Variants in GLB1 observed in about 807,000 individuals in gnomAD.
GLB1 encodes galactosidase beta 1.
A neutral mutation model predicts 74.0 loss-of-function variants in GLB1; 56 were observed. The ratio of observed to expected loss-of-function variants is 0.76; its 90% CI spans 0.61 to 0.94. The LOEUF is 0.94. Among genes scored for constraint, GLB1 ranks in the 40% least tolerant of loss-of-function variants. The probability of loss-of-function intolerance (pLI) is 0.00; values close to 1 mark genes in which losing one functional copy is unlikely to be tolerated. For missense variants in GLB1, 787 were observed against 845.5 expected (o/e 0.93, Z 0.86); for synonymous variants, 323 against 323.6 (o/e 1.00, Z 0.02).
chr3:33,061,255 A>G (rs536770067), intron 5 of GLB1, among the ~76,000 whole-genome samples: 11 of 152,106 alleles, frequency 7.2e-5, no homozygotes, highest in South Asian at 2.1e-4. Context: ...TACTAAAAAT[A>G]CAAAAAAAAT....
At chr3:33,006,358 G>T (rs917153946) in intron 15 of GLB1, among the ~76,000 whole-genome samples, 4 of 152,174 alleles carry the variant, frequency 2.6e-5, no homozygotes, top group Non-Finnish European at 5.9e-5. Flanking sequence ...CACTCCTTAT[G>T]AGAATCTAAC....
intron 5 of GLB1, among the ~76,000 whole-genome samples, chr3:33,061,169 G>C (rs1283382010): frequency 1.3e-5 from 2 of 152,164 alleles, no homozygotes; most frequent in Non-Finnish European, 2.9e-5. Context: ...CTAGTACTTT[G>C]GGAGGCTGAG....
At chr3:33,083,113 A>C (rs534216820) in intron 1 of GLB1, among the ~76,000 whole-genome samples, 1 of 152,298 alleles carries the variant, frequency 6.6e-6, no homozygotes, top group Non-Finnish European at 1.5e-5. Flanking sequence ...AAAAGTGGGA[A>C]TAGGCCAGGT....
intron 3 of GLB1, among the ~76,000 whole-genome samples, chr3:33,068,556 A>T (rs1251501966): frequency 6.6e-6 from 1 of 152,080 alleles, no homozygotes; most frequent in Non-Finnish European, 1.5e-5. Context: ...ATACCCTGTG[A>T]CGTAGATAGA....
At chr3:33,045,306 A>C in intron 10 of GLB1, 1 of 946,258 alleles carries the variant, frequency 1.1e-6, no homozygotes, top group Non-Finnish European at 1.3e-6. Flanking sequence ...AAAGAAGAAA[A>C]CAAACATTTA....
chr3:32,995,941 A>AT (rs1341657627), downstream of GLB1, among the ~76,000 whole-genome samples: 24 of 152,294 alleles, frequency 1.6e-4, no homozygotes, highest in African/African-American at 5.5e-4. Flanking sequence ...GCATCCAGAT[A>AT]TAAGTATATG....
In GLB1 at chr3:33,096,994, G is replaced by A. The variant is rs1400175262; in HGVS notation, c.75+17C>T. 1 of 1,610,322 alleles carries A rather than the reference G, an allele frequency of 6.2e-7. No individual in the cohort carries two copies. The highest frequency in any genetic ancestry group is 8.5e-7 in the Non-Finnish European group (1 of 1,178,294). ...CCCCTAGCAATGCCTCCCCGTACCC[G>A]GGTCCCGCAGACTTACGCGCAAGCC... is the stretch of plus-strand genomic sequence containing the variant. On this transcript the variant is annotated intron_variant, in intron 1 of 15. Coordinates refer to ENST00000307363, the MANE Select transcript of GLB1 (RefSeq NM_000404.4).
chr3:33,091,159 G>C, intron 1 of GLB1: 1 of 985,446 alleles, frequency 1.0e-6, no homozygotes, highest in Non-Finnish European at 1.2e-6. Context: ...CACAAGAAAA[G>C]TGAGTTTGGA....
chr3:33,058,329 A>G, intron 5 of GLB1, 60 bp from the exon 6 acceptor site: 7 of 1,604,876 alleles, frequency 4.4e-6, no homozygotes, highest in Non-Finnish European at 6.0e-6. Context: ...ACCCTAATGC[A>G]AGCTTTTGTG....
chr3:33,061,034 G>C (rs1699421958), intron 5 of GLB1, among the ~76,000 whole-genome samples: 1 of 152,166 alleles, frequency 6.6e-6, no homozygotes, highest in Non-Finnish European at 1.5e-5. Context: ...CAAATGAAAA[G>C]GCTTGAAAAA....
At chr3:32,990,127 G>C in the GLB1 span, among the ~76,000 whole-genome samples, 4 of 152,270 alleles carry the variant, frequency 2.6e-5, no homozygotes, top group South Asian at 2.1e-4. Flanking sequence ...TCAGATTGAG[G>C]TACATGCCAC....
intron 13 of GLB1, among the ~76,000 whole-genome samples, chr3:33,017,748 C>T (rs1158055808): frequency 6.6e-6 from 1 of 152,184 alleles, no homozygotes; most frequent in Non-Finnish European, 1.5e-5. Flanking sequence ...GTTCAACAAA[C>T]TTTGTACAGT....
chr3:33,034,723 TGG>T (rs1378424889), intron 10 of GLB1: 1 of 702,788 alleles, frequency 1.4e-6, no homozygotes, highest in East Asian at 3.0e-5. Context: ...AGTTGGTTGA[TGG>T]GCAGTGGGTG....
Position 33,058,079 on chromosome 3 carries a change from A to C in GLB1, c.733+10T>G, listed in dbSNP as rs1290683359. On this transcript the variant is annotated intron_variant, in intron 6 of 15. Transcript: ENST00000307363. ...TTTAAGCTGCAATTTCTGTTACTAC[A>C]AACACCAACCTGTTCCAAAGTCCAC... The C allele has an allele frequency of 6.2e-7, 1 of 1,613,226 alleles. No individual in the cohort carries two copies. The highest frequency in any genetic ancestry group is 8.5e-7 in the Non-Finnish European group (1 of 1,180,014).
At chr3:32,977,925 GTCT>G in the GLB1 span, among the ~76,000 whole-genome samples, 2 of 152,168 alleles carry the variant, frequency 1.3e-5, no homozygotes, top group Non-Finnish European at 2.9e-5. Context: ...TAATCCTTAC[GTCT>G]GAATTTCTGA....
At chr3:32,984,855 T>C in the GLB1 span, among the ~76,000 whole-genome samples, 1 of 151,546 alleles carries the variant, frequency 6.6e-6, no homozygotes, top group East Asian at 1.9e-4. Context: ...GGCAGGAGAA[T>C]CACTTTAACC....
chr3:33,033,893 T>A (rs549423805), intron 10 of GLB1: 2 of 525,150 alleles, frequency 3.8e-6, no homozygotes, highest in East Asian at 1.0e-4. Context: ...TGTGGATACC[T>A]CCCATAAGGA....
chr3:33,096,698 T>G, intron 1 of GLB1: 2 of 1,187,910 alleles, frequency 1.7e-6, no homozygotes, highest in Non-Finnish European at 2.1e-6. Flanking sequence ...GAAAGCCAAC[T>G]TAGGAAATGT....
intron 15 of GLB1, among the ~76,000 whole-genome samples, chr3:33,001,707 T>C (rs913063218): frequency 5.9e-5 from 9 of 152,234 alleles, no homozygotes; most frequent in Non-Finnish European, 7.3e-5. Context: ...ATATTCAATA[T>C]ACACTTAGTA....
Sources: allele counts gnomAD v4.1 joint callset (sites outside exome capture counted in the v4.1 genomes callset), GRCh38; gene constraint gnomAD v4.1.1; transcripts MANE v1.5; gene names NCBI Gene and HGNC (gene_info 2026-07-23, HGNC 2026-07-21).